CFAP299: variants seen among roughly 807,000 people sequenced by gnomAD.
CFAP299 encodes the protein cilia and flagella associated protein 299.
A neutral mutation model predicts 27.0 loss-of-function variants in CFAP299; 21 were observed. The ratio of observed to expected loss-of-function variants is 0.78; its 90% CI spans 0.55 to 1.12. CFAP299 has a LOEUF of 1.12. Among genes scored for constraint, CFAP299 ranks in the 50% most tolerant of loss-of-function variants. CFAP299 has a pLI of 0.00. For missense variants in CFAP299, 310 were observed against 276.6 expected, an observed-to-expected ratio of 1.12 and a Z score of -0.86; for synonymous variants, 104 against 98.1, an observed-to-expected ratio of 1.06 and a Z score of -0.36.
At chr4:80,904,092 G>A (rs530651486) in intron 4 of CFAP299, among the ~76,000 whole-genome samples, 3 of 152,204 alleles carry the variant, frequency 2.0e-5, no homozygotes, top group Non-Finnish European at 2.9e-5. Flanking sequence ...GATTATCTAA[G>A]GATTTAAATA....
chr4:80,950,821 T>C (rs1238986584), intron 5 of CFAP299, among the ~76,000 whole-genome samples: 2 of 152,186 alleles, frequency 1.3e-5, no homozygotes, highest in Non-Finnish European at 2.9e-5. Flanking sequence ...TGGGTGATTC[T>C]AGTGGTTCAC....
At chr4:80,368,949 A>G (rs1392113543) in intron 2 of CFAP299, among the ~76,000 whole-genome samples, 1 of 42,402 alleles carries the variant, frequency 2.4e-5, no homozygotes, top group East Asian at 4.5e-4. Context: ...AGGTTTGTTG[A>G]GAAAGCAAAC....
intron 3 of CFAP299, among the ~76,000 whole-genome samples, chr4:80,732,068 C>G (rs1400953259): frequency 7.8e-6 from 1 of 128,038 alleles, no homozygotes; most frequent in African/African-American, 3.3e-5. Context: ...CACAGACACA[C>G]AGACACACAC....
intron 2 of CFAP299, among the ~76,000 whole-genome samples, chr4:80,423,230 A>C (rs1163636816): frequency 1.3e-5 from 2 of 152,240 alleles, no homozygotes; most frequent in African/African-American, 4.8e-5. Flanking sequence ...CGAAACTGCC[A>C]TCTATATGTA....
intron 2 of CFAP299, among the ~76,000 whole-genome samples, chr4:80,530,926 C>T (rs1733431759): frequency 6.6e-6 from 1 of 152,072 alleles, no homozygotes; most frequent in South Asian, 2.1e-4. Flanking sequence ...GTGTGGAAGT[C>T]AATGATAGTA....
chr4:80,485,132 A>G lies in CFAP299; in HGVS notation c.243-97961A>G, dbSNP rs551734397. Among the ~76,000 whole-genome samples, 31 of 152,122 alleles carry G rather than the reference A, an allele frequency of 2.0e-4. No homozygotes were observed. The South Asian group carries it at 5.0e-3, about 24-fold the overall frequency. On this transcript the variant is annotated intron_variant, in intron 2 of 5. Coordinates refer to ENST00000358105, the MANE Select transcript of CFAP299 (RefSeq NM_152770.3). ...TTTCTCCTGATATGATGCTTTATGT[A>G]TTTCACAGCACCACCAATGACGTAT...
chr4:80,593,451 G>A (rs992147857), intron 3 of CFAP299, among the ~76,000 whole-genome samples: 6 of 152,114 alleles, frequency 3.9e-5, no homozygotes, highest in East Asian at 1.9e-4. Context: ...AATTAAGGTC[G>A]TTGTCTTTTA....
At chr4:80,579,429 C>T (rs536787998) in intron 2 of CFAP299, among the ~76,000 whole-genome samples, 5 of 152,162 alleles carry the variant, frequency 3.3e-5, no homozygotes, top group South Asian at 2.1e-4. Flanking sequence ...TTCATTGTTA[C>T]GGAAGAAGGG....
intron 3 of CFAP299, among the ~76,000 whole-genome samples, chr4:80,647,733 TA>T (rs773763384): frequency 5.3e-5 from 8 of 152,204 alleles, no homozygotes; most frequent in Non-Finnish European, 1.0e-4. Flanking sequence ...ATTGTTCATG[TA>T]ATTGAATCAA....
intron 3 of CFAP299, among the ~76,000 whole-genome samples, chr4:80,730,556 A>G (rs1253370725): frequency 1.2e-4 from 18 of 152,012 alleles, no homozygotes; most frequent in Admixed American, 8.5e-4. Flanking sequence ...CATTCAAAAC[A>G]AAGTCCCACT....
At chr4:80,744,981 G>C (rs1437248615) in intron 3 of CFAP299, among the ~76,000 whole-genome samples, 1 of 152,062 alleles carries the variant, frequency 6.6e-6, no homozygotes, top group Non-Finnish European at 1.5e-5. Context: ...CTTAGCCCAT[G>C]TTGCAGTGAA....
intron 3 of CFAP299, among the ~76,000 whole-genome samples, chr4:80,748,927 C>T (rs926310191): frequency 2.6e-5 from 4 of 152,144 alleles, no homozygotes; most frequent in Admixed American, 6.5e-5. Context: ...TAAAAGTAAT[C>T]GTCTGCCCAC....
chr4:80,417,662 T>C (rs1210568992), intron 2 of CFAP299, among the ~76,000 whole-genome samples: 1 of 152,196 alleles, frequency 6.6e-6, no homozygotes, highest in African/African-American at 2.4e-5. Flanking sequence ...TATTACACTT[T>C]ATGCTGCATC....
Position 80,854,810 on chromosome 4 carries a change from GAAAAAAA to G in CFAP299, c.334-15162_334-15156del, listed in dbSNP as rs58533748. ...TCTAGCCAAACTCAGCTGTTGCTAT[GAAAAAAA>G]AAAAAAAAAAAAAAAAAAAACAGAA... On this transcript the variant is annotated intron_variant, in intron 3 of 5. Transcript: ENST00000358105. Among the ~76,000 whole-genome samples, 160 of 43,376 alleles carry G rather than the reference GAAAAAAA, an allele frequency of 3.7e-3. 3 individuals are homozygous for G. The highest frequency in any genetic ancestry group is 0.011 in the African/African-American group (154 of 13,722). 28.5% of individuals were successfully genotyped at this position (43,376 alleles called of 152,430 possible).
intron 2 of CFAP299, among the ~76,000 whole-genome samples, chr4:80,576,597 G>T (rs1462590719): frequency 6.6e-6 from 1 of 152,018 alleles, no homozygotes; most frequent in Non-Finnish European, 1.5e-5. Context: ...TTTATCCGTG[G>T]GAAATAGAAC....
intron 3 of CFAP299, among the ~76,000 whole-genome samples, chr4:80,746,374 T>C (rs1397869653): frequency 6.6e-6 from 1 of 152,086 alleles, no homozygotes; most frequent in Non-Finnish European, 1.5e-5. Context: ...TAGACCTTAA[T>C]AAAAATCTGT....
At chr4:80,547,884 G>A (rs1386153551) in intron 2 of CFAP299, among the ~76,000 whole-genome samples, 1 of 152,014 alleles carries the variant, frequency 6.6e-6, no homozygotes, top group Non-Finnish European at 1.5e-5. Flanking sequence ...ACAAGATTTT[G>A]GCAAGGTTGT....
chr4:80,645,698 A>C (rs11935850), intron 3 of CFAP299, among the ~76,000 whole-genome samples: 3,912 of 152,272 alleles, frequency 0.026, 147 homozygotes, highest in African/African-American at 0.088. Flanking sequence ...AAGAACTGAT[A>C]GAACTTCAGG....
intron 4 of CFAP299, among the ~76,000 whole-genome samples, chr4:80,924,313 CA>C (rs1736192047): frequency 6.6e-6 from 1 of 151,380 alleles, no homozygotes; most frequent in South Asian, 2.1e-4. Context: ...TCTTACAGTT[CA>C]AAAAAAGACC....
Sources: gnomAD v4.1 joint callset for allele counts (sites outside exome capture counted in the v4.1 genomes callset) on GRCh38, gnomAD v4.1.1 for gene constraint, MANE v1.5 for transcripts, NCBI Gene and HGNC (gene_info 2026-07-23, HGNC 2026-07-21) for gene names.